Variants in TOMM70 observed in about 807,000 individuals in gnomAD.
The protein encoded by TOMM70 is translocase of outer mitochondrial membrane 70.
Under a neutral mutation model 73.6 loss-of-function variants are expected in TOMM70, and 13 were observed. The observed-to-expected ratio is 0.18, with a 90% confidence interval of 0.11 to 0.28. TOMM70 has a LOEUF of 0.28. TOMM70 is among the 10% of genes least tolerant of loss of function. The probability of loss-of-function intolerance (pLI) is 1.00; values close to 1 mark genes in which losing one functional copy is unlikely to be tolerated. For missense variants in TOMM70, 609 were observed against 747.5 expected (o/e 0.81, Z 2.16); for synonymous variants, 257 against 271.2 (o/e 0.95, Z 0.51).
At chr3:100,387,589 C>T (rs1706706021) in intron 1 of TOMM70, among the ~76,000 whole-genome samples, 1 of 115,044 alleles carries the variant, frequency 8.7e-6, no homozygotes. Flanking sequence ...AAGACACAGA[C>T]ACAGACACAG....
chr3:100,398,092 A>G (rs956089330), intron 1 of TOMM70, among the ~76,000 whole-genome samples: 9 of 151,986 alleles, frequency 5.9e-5, no homozygotes, highest in Admixed American at 1.3e-4. Context: ...AAATGTTAAA[A>G]TCTAGTTTCA....
intron 6 of TOMM70, among the ~76,000 whole-genome samples, chr3:100,376,097 A>C (rs568423248): frequency 4.6e-5 from 7 of 152,136 alleles, no homozygotes; most frequent in Non-Finnish European, 1.0e-4. Flanking sequence ...GTAGGTGTGA[A>C]GTGGCATCTC....
chr3:100,392,368 A>T (rs1706773477), intron 1 of TOMM70, among the ~76,000 whole-genome samples: 1 of 152,214 alleles, frequency 6.6e-6, no homozygotes, highest in Non-Finnish European at 1.5e-5. Context: ...TTCAGGTAAT[A>T]CACCAAAGAA....
At chr3:100,389,573 A>C (rs986403989) in intron 1 of TOMM70, among the ~76,000 whole-genome samples, 1 of 152,234 alleles carries the variant, frequency 6.6e-6, no homozygotes, top group Non-Finnish European at 1.5e-5. Flanking sequence ...TTTTTTAAAA[A>C]AGGAATGTAA....
chr3:100,376,268 A>C (rs1028381377), intron 6 of TOMM70, among the ~76,000 whole-genome samples: 64 of 151,392 alleles, frequency 4.2e-4, no homozygotes, highest in Non-Finnish European at 1.5e-4. Flanking sequence ...AGAGTTCTTT[A>C]TTCTGGATAC....
At chr3:100,391,255 T>C (rs1190124234) in intron 1 of TOMM70, among the ~76,000 whole-genome samples, 1 of 152,222 alleles carries the variant, frequency 6.6e-6, no homozygotes, top group Non-Finnish European at 1.5e-5. Context: ...CTTTTTGTTA[T>C]GTTAGTATAC....
At chr3:100,378,868 G>A (rs371754932) in intron 5 of TOMM70, among the ~76,000 whole-genome samples, 28 of 152,252 alleles carry the variant, frequency 1.8e-4, no homozygotes, top group Admixed American at 4.6e-4. Context: ...TTAGTCAGGC[G>A]TGGTGGCGGG....
intron 5 of TOMM70, among the ~76,000 whole-genome samples, chr3:100,380,173 C>G (rs1268481168): frequency 6.6e-6 from 1 of 151,972 alleles, no homozygotes; most frequent in Non-Finnish European, 1.5e-5. Context: ...TGGTGAAACT[C>G]CGTCTCTACT....
At chr3:100,397,150 G>C (rs565054898) in intron 1 of TOMM70, among the ~76,000 whole-genome samples, 74 of 152,336 alleles carry the variant, frequency 4.9e-4, no homozygotes, top group African/African-American at 1.7e-3. Context: ...ATCAGTGAAA[G>C]CAAATGCTTC....
chr3:100,364,205 A>T lies in TOMM70; in HGVS notation c.*1359T>A, dbSNP rs1283630992. 2 of 152,202 alleles carry T rather than the reference A, an allele frequency of 1.3e-5. No individual in the cohort carries two copies. The highest frequency in any genetic ancestry group is 4.8e-5 in the African/African-American group (2 of 41,436). The allele number at this position is 152,202 out of a possible 1,614,324, so 9.4% of individuals were successfully genotyped here. A position where few individuals can be genotyped will look rare whatever the true frequency, so the allele number is the denominator to read the frequency against. ...AAGTGATTTCTAAGTAAGGAGGTGG[A>T]GTAAAGCTTAAACACTGTCAGTACC... On this transcript the variant is annotated 3_prime_UTR_variant, in exon 12 of 12. Coordinates refer to ENST00000284320, the MANE Select transcript of TOMM70 (RefSeq NM_014820.5).
At position 100,400,784 on chromosome 3, in the gene TOMM70, T is replaced by C. The variant is rs755598789; in HGVS notation, c.166A>G (p.Ile56Val). The change falls in exon 1 of 12, where the codon ATA (isoleucine) becomes GTA (valine). Residue 56 changes from isoleucine (I) to valine (V), a missense_variant. Physicochemically the swap from Ile to Val is conservative, Grantham distance 29 (BLOSUM62 3). Transcript: ENST00000284320. ...GAPLLLGAGA[I>V]YLWSRQQRRR... Reference sequence around the variant, plus strand: ...CGTTGCTGCCGACTCCACAGGTATATGGCACCCGCGCCCAGCAGCAGGGGT... The same window carrying C: ...CGTTGCTGCCGACTCCACAGGTATACGGCACCCGCGCCCAGCAGCAGGGGT... The C allele has an allele frequency of 7.7e-6, 12 of 1,560,436 alleles. No individual in the cohort carries two copies. Among genetic ancestry groups the C allele is most frequent in the Admixed American group, 5.6e-5 (3 of 53,480 alleles).
At chr3:100,372,077 A>C (rs771108652) in intron 9 of TOMM70, 1 of 152,280 alleles carries the variant, frequency 6.6e-6, no homozygotes, top group Non-Finnish European at 1.5e-5. Flanking sequence ...ATTTTCATTT[A>C]AATGGATGAT....
chr3:100,383,431 G>A (rs976787789), intron 4 of TOMM70, among the ~76,000 whole-genome samples: 5 of 151,740 alleles, frequency 3.3e-5, no homozygotes, highest in African/African-American at 9.7e-5. Context: ...ACTGAGGAAC[G>A]AGAATTGCTT....
chr3:100,395,665 T>C (rs1172157762), intron 1 of TOMM70, among the ~76,000 whole-genome samples: 2 of 148,232 alleles, frequency 1.3e-5, no homozygotes, highest in African/African-American at 5.2e-5. Context: ...TATATATACA[T>C]ACACACACAC....
intron 7 of TOMM70, 36 bp downstream of exon 7, chr3:100,374,982 C>A: frequency 1.3e-6 from 2 of 1,509,622 alleles, no homozygotes; most frequent in African/African-American, 1.4e-5. Flanking sequence ...AAGCTCAATC[C>A]ACAAGTCAGA....
Position 100,386,991 on chromosome 3 carries a change from G to T in TOMM70, c.325-13C>A, listed in dbSNP as rs1180275337. 1 of 1,610,198 alleles carries T rather than the reference G, an allele frequency of 6.2e-7. No homozygotes were observed. Among genetic ancestry groups the T allele is most frequent in the South Asian group, 1.1e-5 (1 of 90,658 alleles). On this transcript the variant is annotated splice_polypyrimidine_tract_variant and intron_variant, in intron 1 of 11. Coordinates refer to ENST00000284320, the MANE Select transcript of TOMM70 (RefSeq NM_014820.5). ...TATCAAGAGAGTTCTGAAATGAGAGGAAACAATTATCAAACACTAATCAAC... is the reference window on the plus strand; with the variant it reads ...TATCAAGAGAGTTCTGAAATGAGAGTAAACAATTATCAAACACTAATCAAC...
At chr3:100,381,365 A>C (rs1393721290) in intron 5 of TOMM70, among the ~76,000 whole-genome samples, 1 of 152,256 alleles carries the variant, frequency 6.6e-6, no homozygotes. Context: ...ATCATATAGG[A>C]CCTTGAGTAA....
At chr3:100,372,948 T>C (rs1706526873) in intron 8 of TOMM70, among the ~76,000 whole-genome samples, 1 of 152,192 alleles carries the variant, frequency 6.6e-6, no homozygotes, top group Admixed American at 6.5e-5. Flanking sequence ...TGTTCAATAC[T>C]GTAGAAGAGG....
At chr3:100,379,722 T>C (rs1706608665) in intron 5 of TOMM70, among the ~76,000 whole-genome samples, 1 of 152,068 alleles carries the variant, frequency 6.6e-6, no homozygotes, top group Non-Finnish European at 1.5e-5. Flanking sequence ...ACTCAAGCAA[T>C]CCTCCCACCT....
Sources: allele counts gnomAD v4.1 joint callset (sites outside exome capture counted in the v4.1 genomes callset), GRCh38; gene constraint gnomAD v4.1.1; transcripts MANE v1.5; gene names NCBI Gene and HGNC (gene_info 2026-07-23, HGNC 2026-07-21).